The following UNC80 variants were observed in gnomAD, a reference collection of about 807,000 sequenced individuals.
The protein encoded by UNC80 is protein unc-80 homolog.
UNC80 carries 164 observed loss-of-function variants against 384.6 expected under a neutral mutation model. That is an observed-to-expected ratio of 0.43 (90% CI 0.38 to 0.49). UNC80 has a LOEUF of 0.49. Among genes scored for constraint, UNC80 ranks in the 20% least tolerant of loss-of-function variants. UNC80 has a pLI of 0.00. For missense variants in UNC80, 3,330 were observed against 4,143.0 expected (o/e 0.80, Z 5.39); for synonymous variants, 1,486 against 1,527.8 (o/e 0.97, Z 0.64).
intron 35 of UNC80, among the ~76,000 whole-genome samples, chr2:209,926,244 A>C (rs2090426776): frequency 6.6e-6 from 1 of 152,148 alleles, no homozygotes; most frequent in Non-Finnish European, 1.5e-5. Context: ...TCCGCTTAGA[A>C]TTTTATCTTC....
intron 61 of UNC80, among the ~76,000 whole-genome samples, chr2:209,987,070 A>G (rs1272452394): frequency 1.3e-5 from 2 of 152,170 alleles, no homozygotes; most frequent in Admixed American, 6.5e-5. Context: ...TCTGGCCTTA[A>G]AGCTTAGAGA....
chr2:209,815,110 T>C, intron 8 of UNC80, 147 bp from the exon 9 acceptor site: 1 of 670,780 alleles, frequency 1.5e-6, no homozygotes, highest in South Asian at 3.9e-5. Flanking sequence ...TAGCAGAATT[T>C]GGATTCCAGA....
intron 28 of UNC80, among the ~76,000 whole-genome samples, chr2:209,902,456 C>T (rs1439402998): frequency 1.3e-5 from 2 of 152,166 alleles, no homozygotes; most frequent in Non-Finnish European, 2.9e-5. Context: ...AGAAGTTCTA[C>T]TGTGAGTAAA....
At chr2:209,971,188 A>G (rs1204920529) in intron 54 of UNC80, among the ~76,000 whole-genome samples, 1 of 152,196 alleles carries the variant, frequency 6.6e-6, no homozygotes, top group Non-Finnish European at 1.5e-5. Flanking sequence ...TCCTGCCACA[A>G]CTTCAGGAAC....
chr2:209,978,427 T>G (rs969706253), intron 58 of UNC80, 102 bp from the exon 59 acceptor site: 2 of 1,042,632 alleles, frequency 1.9e-6, no homozygotes, highest in Non-Finnish European at 2.7e-6. Flanking sequence ...GACACATTAT[T>G]TAACTAACCT....
intron 25 of UNC80, 36 bp from the exon 26 acceptor site, chr2:209,888,059 A>G: frequency 1.3e-6 from 2 of 1,547,130 alleles, no homozygotes; most frequent in South Asian, 2.4e-5. Context: ...TGCTGGGGAG[A>G]TGCCAGCACT....
intron 22 of UNC80, among the ~76,000 whole-genome samples, chr2:209,851,578 G>A (rs1018253880): frequency 6.6e-6 from 1 of 152,066 alleles, no homozygotes; most frequent in Admixed American, 6.6e-5. Context: ...TTCTCTTAGT[G>A]ATAACACAAC....
intron 28 of UNC80, among the ~76,000 whole-genome samples, chr2:209,902,054 C>G (rs562710233): frequency 6.6e-6 from 1 of 152,084 alleles, no homozygotes; most frequent in East Asian, 1.9e-4. Flanking sequence ...TTCTAGATGT[C>G]ATTAAGAACA....
At chr2:209,891,387 T>C (rs1013996947) in intron 26 of UNC80, among the ~76,000 whole-genome samples, 2 of 152,140 alleles carry the variant, frequency 1.3e-5, no homozygotes, top group Non-Finnish European at 2.9e-5. Context: ...CTGCATATGA[T>C]GAGAAGCTTC....
chr2:209,966,640 ATC>A (rs950594026), intron 51 of UNC80, among the ~76,000 whole-genome samples: 4 of 152,202 alleles, frequency 2.6e-5, no homozygotes, highest in African/African-American at 9.7e-5. Flanking sequence ...CCTTCAGAAA[ATC>A]TGACACTTAG....
chr2:209,791,343 G>A (rs1012432726), intron 6 of UNC80, among the ~76,000 whole-genome samples: 1 of 151,994 alleles, frequency 6.6e-6, no homozygotes, highest in African/African-American at 2.4e-5. Flanking sequence ...CCTATTGACT[G>A]TCGCTGCAAG....
At chr2:209,790,557 A>G (rs2077732897) in intron 6 of UNC80, among the ~76,000 whole-genome samples, 1 of 152,108 alleles carries the variant, frequency 6.6e-6, no homozygotes. Context: ...TATGGTTGTA[A>G]TTCTTGTGCA....
chr2:209,908,446 T>G (rs2088526472), intron 29 of UNC80, among the ~76,000 whole-genome samples: 1 of 152,250 alleles, frequency 6.6e-6, no homozygotes, highest in Non-Finnish European at 1.5e-5. Context: ...TCATTCTACA[T>G]GTATATATCA....
At position 209,988,557 on chromosome 2, in the gene UNC80, A is replaced by G. The variant is rs575894075; in HGVS notation, c.9315-3609A>G. Among the ~76,000 whole-genome samples the G allele has an allele frequency of 7.2e-5, 11 of 152,290 alleles. No homozygotes were observed. The South Asian group carries it at 2.1e-3, about 29-fold the overall frequency. ...GTGCATAAAAGATATACTTTATAAA[A>G]TATATCCTTTATGCACTATATGCCT... On this transcript the variant is annotated intron_variant, in intron 61 of 64. Coordinates refer to ENST00000673920, the MANE Select transcript of UNC80 (RefSeq NM_001371986.1).
chr2:209,858,445 C>A (rs11691952), intron 22 of UNC80, among the ~76,000 whole-genome samples: 2 of 151,956 alleles, frequency 1.3e-5, no homozygotes, highest in African/African-American at 4.8e-5. Context: ...TGGTGGCTCA[C>A]ACCTGTAATC....
chr2:209,810,841 C>A (rs746878723), intron 7 of UNC80, among the ~76,000 whole-genome samples: 1 of 152,030 alleles, frequency 6.6e-6, no homozygotes, highest in Non-Finnish European at 1.5e-5. Flanking sequence ...TATAATAAAT[C>A]AAATGATTTT....
At chr2:209,840,777 C>A (rs1283858108) in intron 20 of UNC80, 129 bp downstream of exon 20, 3 of 701,612 alleles carry the variant, frequency 4.3e-6, no homozygotes, top group East Asian at 2.7e-5. Context: ...GATGAGCTAA[C>A]TTTGGAAACT....
chr2:209,894,464 A>T (rs755705376), intron 27 of UNC80, 98 bp downstream of exon 27: 322 of 649,236 alleles, frequency 5.0e-4, no homozygotes, highest in Non-Finnish European at 6.0e-4. Flanking sequence ...ACATAAATAG[A>T]TGGAGGGCAG....
chr2:209,780,333 TTTTATTATATTATC>T (rs1274808494), intron 4 of UNC80, among the ~76,000 whole-genome samples: 2 of 152,212 alleles, frequency 1.3e-5, no homozygotes, highest in African/African-American at 2.4e-5. Context: ...TATTTATCAT[TTTTATTATATTATC>T]ATTATAGTTT....
Sources: allele counts gnomAD v4.1 joint callset (sites outside exome capture counted in the v4.1 genomes callset), GRCh38; gene constraint gnomAD v4.1.1; transcripts MANE v1.5; gene names NCBI Gene and HGNC (gene_info 2026-07-23, HGNC 2026-07-21).